The following SLC9A9 variants were observed in gnomAD, a reference collection of about 807,000 sequenced individuals.
SLC9A9 encodes solute carrier family 9 member A9.
In SLC9A9, 62 loss-of-function variants were observed where a neutral mutation model predicts 77.8. The ratio of observed to expected loss-of-function variants is 0.80; its 90% CI spans 0.65 to 0.98. The LOEUF (loss-of-function observed/expected upper bound fraction) is 0.98, where lower values mean the gene tolerates loss of function less well. Among genes scored for constraint, SLC9A9 ranks in the 50% least tolerant of loss-of-function variants. The pLI is 0.00. For missense variants in SLC9A9, 775 were observed against 774.9 expected, an observed-to-expected ratio of 1.00 and a Z score of 0.00; for synonymous variants, 320 against 283.5, an observed-to-expected ratio of 1.13 and a Z score of -1.29.
At chr3:143,721,178 T>G (rs1023383963) in intron 4 of SLC9A9, among the ~76,000 whole-genome samples, 1 of 152,080 alleles carries the variant, frequency 6.6e-6, no homozygotes, top group Admixed American at 6.5e-5. Context: ...TGGGCAACAG[T>G]GAGCCACTTC....
At chr3:143,540,794 T>G (rs1301954098) in intron 9 of SLC9A9, among the ~76,000 whole-genome samples, 1 of 152,214 alleles carries the variant, frequency 6.6e-6, no homozygotes, top group Admixed American at 6.5e-5. Flanking sequence ...CCTTGTAGAT[T>G]TTATGTGAAC....
intron 11 of SLC9A9, among the ~76,000 whole-genome samples, chr3:143,471,408 C>T (rs1482921550): frequency 6.6e-6 from 1 of 152,044 alleles, no homozygotes; most frequent in Non-Finnish European, 1.5e-5. Context: ...ACATATTGAT[C>T]CTATCTTCTT....
chr3:143,712,500 T>C (rs1000835796), intron 4 of SLC9A9, among the ~76,000 whole-genome samples: 1 of 152,176 alleles, frequency 6.6e-6, no homozygotes, highest in Non-Finnish European at 1.5e-5. Context: ...AACAGAGAAG[T>C]AAACAAACTA....
chr3:143,443,019 A>G (rs1229600379), intron 12 of SLC9A9, among the ~76,000 whole-genome samples: 1 of 152,212 alleles, frequency 6.6e-6, no homozygotes, highest in East Asian at 1.9e-4. Context: ...TTTGAGCTAC[A>G]TAAAGTATGA....
chr3:143,358,739 T>C (rs534033967), intron 14 of SLC9A9, among the ~76,000 whole-genome samples: 4 of 152,122 alleles, frequency 2.6e-5, no homozygotes, highest in Non-Finnish European at 5.9e-5. Context: ...CAATTTCTTC[T>C]TCTTACTTCC....
intron 12 of SLC9A9, among the ~76,000 whole-genome samples, chr3:143,408,300 T>C (rs1576477456): frequency 1.3e-5 from 2 of 152,202 alleles, no homozygotes; most frequent in African/African-American, 4.8e-5. Flanking sequence ...TGGATGCTGG[T>C]GGTCTTTGGA....
chr3:143,592,119 C>A (rs1319673140), intron 6 of SLC9A9, among the ~76,000 whole-genome samples: 1 of 152,206 alleles, frequency 6.6e-6, no homozygotes, highest in East Asian at 1.9e-4. Context: ...TAGTGATCTG[C>A]AAATACTGAC....
rs2032816827 is a variant in SLC9A9, at chr3:143,363,617, T to A, written c.1525-54A>T. 5 of 1,496,672 alleles carry A rather than the reference T, an allele frequency of 3.3e-6. No individual in the cohort carries two copies. The South Asian group carries it at 5.7e-5, about 17-fold the overall frequency. 92.7% of individuals were successfully genotyped at this position (1,496,672 alleles called of 1,614,324 possible). ...GGGTAAATAGTCAAAAAGATTTTAA[T>A]ATAAAAATACATGTCAAACCAAGTT... On this transcript the variant is annotated intron_variant, in intron 13 of 15. Coordinates refer to ENST00000316549, the MANE Select transcript of SLC9A9 (RefSeq NM_173653.4).
At chr3:143,415,108 A>C (rs1489377767) in intron 12 of SLC9A9, among the ~76,000 whole-genome samples, 2 of 152,202 alleles carry the variant, frequency 1.3e-5, no homozygotes, top group Non-Finnish European at 2.9e-5. Context: ...CAATTCTGTG[A>C]AGATTGAGAG....
intron 9 of SLC9A9, among the ~76,000 whole-genome samples, chr3:143,504,778 A>T (rs1292604843): frequency 3.3e-5 from 5 of 152,182 alleles, no homozygotes; most frequent in African/African-American, 4.8e-5. Flanking sequence ...ATTGGTAATA[A>T]TATTCCCATT....
rs137903460 is a variant in SLC9A9, at chr3:143,639,247, A to G, written c.755+13008T>C. On this transcript the variant is annotated intron_variant, in intron 6 of 15. Coordinates refer to ENST00000316549, the MANE Select transcript of SLC9A9 (RefSeq NM_173653.4). ...CTGACCCAAAAGCTTAGTATGCAGTATTTTAGATTATGTTATTAGAAGCGA... is the reference window on the plus strand; with the variant it reads ...CTGACCCAAAAGCTTAGTATGCAGTGTTTTAGATTATGTTATTAGAAGCGA... 1.8e-3 allele frequency among the ~76,000 whole-genome samples: 275 copies of G among 152,300 alleles called. 1 individual carries two copies. Among genetic ancestry groups the G allele is most frequent in the African/African-American group, 6.0e-3 (248 of 41,552 alleles).
intron 6 of SLC9A9, among the ~76,000 whole-genome samples, chr3:143,613,472 G>T (rs1173895135): frequency 3.3e-5 from 5 of 152,174 alleles, no homozygotes; most frequent in Non-Finnish European, 5.9e-5. Context: ...AAATCTTCCA[G>T]AAAGGTATGT....
chr3:143,715,492 C>CT (rs573634637), intron 4 of SLC9A9, among the ~76,000 whole-genome samples: 10 of 152,310 alleles, frequency 6.6e-5, no homozygotes, highest in Non-Finnish European at 1.2e-4. Flanking sequence ...TTATTAAAAG[C>CT]TTTTATAATG....
At chr3:143,288,162 G>A (rs574828326) in intron 14 of SLC9A9, among the ~76,000 whole-genome samples, 1 of 151,796 alleles carries the variant, frequency 6.6e-6, no homozygotes, top group South Asian at 2.1e-4. Context: ...GCCTTCAAAT[G>A]ATTATTTTTG....
At chr3:143,386,311 C>T (rs1052927598) in intron 12 of SLC9A9, among the ~76,000 whole-genome samples, 11 of 152,184 alleles carry the variant, frequency 7.2e-5, no homozygotes, top group Non-Finnish European at 1.5e-4. Flanking sequence ...CAGTATACAT[C>T]GGCCCTAGCT....
chr3:143,677,281 C>T (rs751746601), intron 5 of SLC9A9, among the ~76,000 whole-genome samples: 1 of 151,678 alleles, frequency 6.6e-6, no homozygotes, highest in Non-Finnish European at 1.5e-5. Flanking sequence ...ATAGGGGTCA[C>T]CACTGCTTTT....
intron 4 of SLC9A9, among the ~76,000 whole-genome samples, chr3:143,694,776 A>G (rs1933577809): frequency 6.6e-6 from 1 of 152,172 alleles, no homozygotes; most frequent in South Asian, 2.1e-4. Flanking sequence ...ATGTTATCTC[A>G]TGTAGTACAC....
At position 143,727,509 on chromosome 3, in the gene SLC9A9, TTC is replaced by T. The variant is rs140242868; in HGVS notation, c.534-34204_534-34203del. Among the ~76,000 whole-genome samples the T allele has an allele frequency of 8.5e-3, 1,300 of 152,284 alleles. 24 individuals are homozygous for T. Among genetic ancestry groups the T allele is most frequent in the African/African-American group, 0.03 (1,244 of 41,544 alleles). On this transcript the variant is annotated intron_variant, in intron 4 of 15. Coordinates refer to ENST00000316549, the MANE Select transcript of SLC9A9 (RefSeq NM_173653.4). ...TACATTAGCCTATGAGAACCAAAAT[TTC>T]TCTGACTACTCTTTAGGACCAACAC...
intron 4 of SLC9A9, among the ~76,000 whole-genome samples, chr3:143,698,726 C>T (rs981655382): frequency 1.3e-5 from 2 of 152,140 alleles, no homozygotes; most frequent in African/African-American, 2.4e-5. Flanking sequence ...ATAACCTTCA[C>T]TAAATTATGA....
Sources: allele counts gnomAD v4.1 joint callset (sites outside exome capture counted in the v4.1 genomes callset), GRCh38; gene constraint gnomAD v4.1.1; transcripts MANE v1.5; gene names NCBI Gene and HGNC (gene_info 2026-07-23, HGNC 2026-07-21).